RPTOR: variants seen among roughly 807,000 people sequenced by gnomAD.
The protein encoded by RPTOR is regulatory associated protein of MTOR complex 1.
A neutral mutation model predicts 169.9 loss-of-function variants in RPTOR; 21 were observed. The ratio of observed to expected loss-of-function variants is 0.12; its 90% CI spans 0.09 to 0.18. The LOEUF (loss-of-function observed/expected upper bound fraction) is 0.18. Ranked by LOEUF, RPTOR falls within the 10% of genes least tolerant of loss-of-function variation. The pLI, the probability that RPTOR is intolerant of heterozygous loss-of-function variation, is 1.00. For synonymous variants in RPTOR, 732 were observed against 753.2 expected, an observed-to-expected ratio of 0.97 and a Z score of 0.46; for missense variants, 1,133 against 1,855.9, an observed-to-expected ratio of 0.61 and a Z score of 7.16.
intron 21 of RPTOR, among the ~76,000 whole-genome samples, chr17:80,917,783 G>A (rs1041804854): frequency 6.6e-6 from 1 of 152,096 alleles, no homozygotes; most frequent in African/African-American, 2.4e-5. Flanking sequence ...CCTCTCTGAA[G>A]CCATTGGACT....
rs1168574596 is a variant in RPTOR at position 80,908,947 on chromosome 17, C to T, written c.2520+18C>T. The T allele has an allele frequency of 6.4e-7, 1 of 1,554,732 alleles. No individual in the cohort carries two copies. Among genetic ancestry groups the T allele is most frequent in the Admixed American group, 1.7e-5 (1 of 59,662 alleles). On this transcript the variant is annotated intron_variant, in intron 21 of 33. Transcript: ENST00000306801. Reference sequence around the variant, plus strand: ...CCTACAAGGTACGTGCCGGGCGCTCCCCACCGCGCTCCAGCTGCTGGTTCT... The same window carrying T: ...CCTACAAGGTACGTGCCGGGCGCTCTCCACCGCGCTCCAGCTGCTGGTTCT...
At chr17:80,863,006 C>A (rs998224456) in intron 13 of RPTOR, among the ~76,000 whole-genome samples, 1 of 152,222 alleles carries the variant, frequency 6.6e-6, no homozygotes, top group African/African-American at 2.4e-5. Flanking sequence ...TGGGACCTCC[C>A]CTCATTTCCC....
chr17:80,688,794 G>A (rs2065968258), intron 3 of RPTOR, among the ~76,000 whole-genome samples: 1 of 152,256 alleles, frequency 6.6e-6, no homozygotes, highest in South Asian at 2.1e-4. Context: ...GGCAGTGGCA[G>A]GAATCGACTC....
At chr17:80,776,866 G>A (rs59980856) in intron 6 of RPTOR, among the ~76,000 whole-genome samples, 7,989 of 152,070 alleles carry the variant, frequency 0.053, 259 homozygotes, top group Non-Finnish European at 0.079. Flanking sequence ...TTACAAGGCC[G>A]GAGACAGAGA....
At chr17:80,575,574 G>A (rs972700924) in intron 1 of RPTOR, among the ~76,000 whole-genome samples, 1 of 152,170 alleles carries the variant, frequency 6.6e-6, no homozygotes, top group Non-Finnish European at 1.5e-5. Context: ...GTGCACACGT[G>A]TGCATACATG....
chr17:80,950,869 C>G (rs1172713475), intron 28 of RPTOR, among the ~76,000 whole-genome samples: 1 of 152,236 alleles, frequency 6.6e-6, no homozygotes, highest in Non-Finnish European at 1.5e-5. Flanking sequence ...TCTGGGGTCG[C>G]TCAGAGGCAG....
chr17:80,930,520 T>TCCCCACCTC (rs2068884115), intron 24 of RPTOR, among the ~76,000 whole-genome samples: 2 of 18,176 alleles, frequency 1.1e-4, no homozygotes, highest in African/African-American at 4.7e-4. Flanking sequence ...ATCTTCAGCT[T>TCCCCACCTC]ATCCACTTCA....
intron 14 of RPTOR, among the ~76,000 whole-genome samples, chr17:80,882,176 G>C (rs1314582832): frequency 1.3e-5 from 2 of 152,176 alleles, no homozygotes; most frequent in Non-Finnish European, 2.9e-5. Flanking sequence ...CTAAGAGCCG[G>C]GCTGGGAACG....
chr17:80,855,923 G>C (rs997735165), intron 12 of RPTOR, among the ~76,000 whole-genome samples: 3 of 152,202 alleles, frequency 2.0e-5, no homozygotes, highest in Non-Finnish European at 4.4e-5. Flanking sequence ...TCCCCCAGGA[G>C]GAGTCTGGAT....
intron 10 of RPTOR, among the ~76,000 whole-genome samples, chr17:80,841,981 C>T (rs1170556336): frequency 7.0e-5 from 9 of 128,220 alleles, no homozygotes; most frequent in South Asian, 2.7e-4. Flanking sequence ...CTCACCGCAC[C>T]GCAGCTCACT....
chr17:80,833,853 G>C (rs1052226859), intron 9 of RPTOR, among the ~76,000 whole-genome samples: 2 of 152,168 alleles, frequency 1.3e-5, no homozygotes, highest in African/African-American at 4.8e-5. Flanking sequence ...AGCCAGGCGT[G>C]TGGCACATTC....
chr17:80,652,454 A>G (rs927048054), intron 3 of RPTOR, among the ~76,000 whole-genome samples: 3 of 152,196 alleles, frequency 2.0e-5, no homozygotes, highest in Admixed American at 6.5e-5. Context: ...AATGTTTTCA[A>G]GATTCCTCCA....
chr17:80,690,110 A>T (rs754181413), intron 3 of RPTOR, among the ~76,000 whole-genome samples: 67 of 152,002 alleles, frequency 4.4e-4, no homozygotes, highest in Non-Finnish European at 8.2e-4. Context: ...GTTTATTTTT[A>T]AACTTTTTAT....
At chr17:80,833,045 C>T (rs2067523610) in intron 9 of RPTOR, among the ~76,000 whole-genome samples, 1 of 152,180 alleles carries the variant, frequency 6.6e-6, no homozygotes, top group African/African-American at 2.4e-5. Flanking sequence ...CCTTCACTTT[C>T]AATTTCAGGG....
intron 21 of RPTOR, among the ~76,000 whole-genome samples, chr17:80,919,570 G>C (rs530485368): frequency 6.6e-6 from 1 of 152,186 alleles, no homozygotes; most frequent in Admixed American, 6.5e-5. Flanking sequence ...AGACGCCCCC[G>C]TGTCCTTGTG....
chr17:80,962,868 G>A (rs902296768), intron 32 of RPTOR, 60 bp from the exon 33 acceptor site: 35 of 1,606,606 alleles, frequency 2.2e-5, no homozygotes, highest in African/African-American at 8.0e-5. Context: ...CGGCATCTGC[G>A]CCCATCTTCC....
Position 80,730,923 on chromosome 17 carries a change from G to C in RPTOR, c.654+217G>C, listed in dbSNP as rs555852481. ...TAATCTTGTTCTGTTGCCCAGGCTG[G>C]AGTGCTGTGGTGCCGTCTCCAGTCA... is the stretch of plus-strand genomic sequence containing the variant. On this transcript the variant is annotated intron_variant, in intron 5 of 33. Coordinates refer to ENST00000306801, the MANE Select transcript of RPTOR (RefSeq NM_020761.3). The surrounding 1 kb of genome is among the most constrained non-coding windows in gnomAD (Gnocchi z 4.2). Among the ~76,000 whole-genome samples the C allele has an allele frequency of 6.6e-6, 1 of 152,180 alleles. No homozygotes were observed. Among genetic ancestry groups the C allele is most frequent in the South Asian group, 2.1e-4 (1 of 4,830 alleles).
Position 80,949,556 on chromosome 17 carries a change from G to T in RPTOR, c.3370+9G>T. 1 of 1,609,122 alleles carries T rather than the reference G, an allele frequency of 6.2e-7. No individual in the cohort carries two copies. The highest frequency in any genetic ancestry group is 8.5e-7 in the Non-Finnish European group (1 of 1,176,134). On this transcript the variant is annotated intron_variant, in intron 28 of 33. Coordinates refer to ENST00000306801, the MANE Select transcript of RPTOR (RefSeq NM_020761.3). ...GCTGCCAACGACGCGAGGTGGGTCC[G>T]CCCGGCTCCTCCCCAGAGCAGAATG...
intron 3 of RPTOR, among the ~76,000 whole-genome samples, chr17:80,645,250 C>T (rs58272260): frequency 0.37 from 56,474 of 151,952 alleles, 11,670 homozygotes; most frequent in African/African-American, 0.57. Context: ...AAGACATGGC[C>T]GTGTTGGCAC....
Sources: gnomAD v4.1 joint callset for allele counts (sites outside exome capture counted in the v4.1 genomes callset) on GRCh38, gnomAD v4.1.1 for gene constraint, Gnocchi (gnomAD v3.1) non-coding constraint, MANE v1.5 for transcripts, NCBI Gene and HGNC (gene_info 2026-07-23, HGNC 2026-07-21) for gene names.